The following BRWD3 variants were observed in gnomAD, a reference collection of about 807,000 sequenced individuals.
BRWD3 encodes the protein bromodomain and WD repeat domain containing 3.
BRWD3 carries 10 observed loss-of-function variants against 149.7 expected under a neutral mutation model. The ratio of observed to expected loss-of-function variants is 0.07; its 90% CI spans 0.04 to 0.11. The LOEUF is 0.11. Ranked by LOEUF, BRWD3 falls within the 10% of genes least tolerant of loss-of-function variation. The pLI, the probability that BRWD3 is intolerant of heterozygous loss-of-function variation, is 1.00. For synonymous variants in BRWD3, 504 were observed against 456.7 expected (o/e 1.10, Z -1.32); for missense variants, 940 against 1,373.2 (o/e 0.68, Z 4.99).
chrX:80,730,616 G>T (rs1311339141), intron 12 of BRWD3, among the ~76,000 whole-genome samples: 1 of 110,990 alleles, frequency 9.0e-6, no homozygotes. Context: ...ATTGACTGTG[G>T]TGATGGTTGC....
intron 26 of BRWD3, 103 bp downstream of exon 26, chrX:80,696,636 G>T (rs2072703007): frequency 1.1e-6 from 1 of 928,190 alleles, no homozygotes; most frequent in Middle Eastern, 2.7e-4. Flanking sequence ...CTGTAGTAAA[G>T]AATGCTATAG....
Position 80,719,050 on chromosome X carries a change from T to TCTTC in BRWD3, c.2044+435_2044+438dup, listed in dbSNP as rs1178170466. Among the ~76,000 whole-genome samples, 12 of 69,886 alleles carry TCTTC rather than the reference T, an allele frequency of 1.7e-4. No homozygotes were observed. In the East Asian group the frequency reaches 4.3e-3, roughly 25 times the overall value. 60.7% of individuals were successfully genotyped at this position (69,886 alleles called of 115,157 possible). A position where few individuals can be genotyped will look rare whatever the true frequency, so the allele number is the denominator to read the frequency against. On this transcript the variant is annotated intron_variant, in intron 18 of 40. Coordinates refer to ENST00000373275, the MANE Select transcript of BRWD3 (RefSeq NM_153252.5). Reference sequence around the variant, plus strand: ...CTGTATTCCCTAAGAGTGCTTCTTGTCTTCAGTGTATTTTTTTTTTTTATT... The same window carrying TCTTC: ...CTGTATTCCCTAAGAGTGCTTCTTGTCTTCCTTCAGTGTATTTTTTTTTTTTATT...
chrX:80,747,940 TTC>T (rs2073615761), intron 6 of BRWD3, among the ~76,000 whole-genome samples: 1 of 111,868 alleles, frequency 8.9e-6, no homozygotes, highest in Non-Finnish European at 1.9e-5. Context: ...TTTCATTTGT[TTC>T]TTTCATTTTC....
intron 6 of BRWD3, among the ~76,000 whole-genome samples, chrX:80,756,502 CAAAAAAAAA>C (rs974549325): frequency 2.4e-4 from 10 of 41,323 alleles, no homozygotes; most frequent in African/African-American, 2.9e-4. Context: ...AACTCTGTCT[CAAAAAAAAA>C]AAAAAAAAAA....
At chrX:80,706,045 TTTTTAA>T (rs2072858905) in intron 22 of BRWD3, among the ~76,000 whole-genome samples, 1 of 112,531 alleles carries the variant, frequency 8.9e-6, no homozygotes, top group Admixed American at 9.4e-5. Context: ...TTTTTAGTGT[TTTTTAA>T]CTTTTTGACT....
At chrX:80,774,373 A>G (rs1210098977) in intron 6 of BRWD3, among the ~76,000 whole-genome samples, 4 of 109,643 alleles carry the variant, frequency 3.6e-5, no homozygotes, top group African/African-American at 1.3e-4. Context: ...CAGAGATCTT[A>G]CCTCAGCTTC....
At chrX:80,795,470 T>A (rs927756613) in intron 4 of BRWD3, among the ~76,000 whole-genome samples, 2 of 109,925 alleles carry the variant, frequency 1.8e-5, no homozygotes, top group Non-Finnish European at 3.8e-5. Flanking sequence ...TATAGATACC[T>A]ATGTATATCT....
At chrX:80,684,786 T>C (rs991816456) in intron 36 of BRWD3, among the ~76,000 whole-genome samples, 8 of 111,221 alleles carry the variant, frequency 7.2e-5, no homozygotes, top group Admixed American at 4.8e-4. Context: ...CCTAGGGTTA[T>C]CAGATGGAGT....
At chrX:80,689,682 T>C in intron 33 of BRWD3, 86 bp downstream of exon 33, 1 of 858,751 alleles carries the variant, frequency 1.2e-6, no homozygotes, top group South Asian at 2.2e-5. Flanking sequence ...TTGCTGTTCA[T>C]GGCCAATTAC....
chrX:80,729,175 T>C (rs1310299130), intron 13 of BRWD3, among the ~76,000 whole-genome samples: 1 of 111,728 alleles, frequency 9.0e-6, no homozygotes, highest in Non-Finnish European at 1.9e-5. Flanking sequence ...CTAAGAAATC[T>C]ATAAATACCT....
At chrX:80,783,241 G>A (rs910511601) in intron 6 of BRWD3, among the ~76,000 whole-genome samples, 1 of 110,001 alleles carries the variant, frequency 9.1e-6, no homozygotes, top group Non-Finnish European at 1.9e-5. Flanking sequence ...ACAAAAATTA[G>A]CCAGGCATAG....
Position 80,676,888 on chromosome X carries a change from C to A in BRWD3, c.5130G>T (p.Gly1710=), listed in dbSNP as rs146425236. 6.5e-4 allele frequency: 783 copies of A among 1,205,541 alleles called. No individual in the cohort carries two copies. Among genetic ancestry groups the A allele is most frequent in the Middle Eastern group, 3.5e-3 (15 of 4,335 alleles). ...CTCTAGAAGCACCTCTTCCTCCTCT[C>A]CCTCTTCCCCTCCCCCTAGTGCCAC... ...GGGGTRGRGR[G]RGGRGASRGA... The change falls in exon 41 of 41, where the codon GGG becomes GGT. Residue 1710 remains glycine (G), a synonymous_variant. Coordinates refer to ENST00000373275, the MANE Select transcript of BRWD3 (RefSeq NM_153252.5).
rs761590563 is a variant in BRWD3 at position 80,735,501 on chromosome X, A to G, written c.915-304T>C. 5.4e-5 allele frequency among the ~76,000 whole-genome samples: 6 copies of G among 111,954 alleles called. No individual in the cohort carries two copies. In the East Asian group the frequency reaches 1.7e-3, roughly 32 times the overall value. The stretch of plus-strand genomic sequence containing the variant: ...ATAAAATCCTACCAAGATTTTCTAT[A>G]TAAATTGTCTCTTCAACATTAATAT... On this transcript the variant is annotated intron_variant, in intron 9 of 40. Transcript: ENST00000373275.
At chrX:80,735,907 T>G (rs777683150) in intron 9 of BRWD3, 81 bp downstream of exon 9, 1 of 601,300 alleles carries the variant, frequency 1.7e-6, no homozygotes, top group Non-Finnish European at 2.7e-6. Context: ...ATATATATAT[T>G]TAAATACATG....
intron 24 of BRWD3, among the ~76,000 whole-genome samples, chrX:80,701,765 C>T (rs970228934): frequency 4.6e-5 from 5 of 108,420 alleles, no homozygotes; most frequent in African/African-American, 1.0e-4. Context: ...CAATAATACA[C>T]GTCATTAAGA....
chrX:80,783,150 C>T (rs971815751), intron 6 of BRWD3, among the ~76,000 whole-genome samples: 2 of 110,623 alleles, frequency 1.8e-5, no homozygotes, highest in Non-Finnish European at 3.8e-5. Flanking sequence ...CTTTGGGAGG[C>T]AGAGGCAGGC....
chrX:80,777,075 A>C (rs894937282), intron 6 of BRWD3, among the ~76,000 whole-genome samples: 5 of 110,116 alleles, frequency 4.5e-5, no homozygotes, highest in Non-Finnish European at 7.6e-5. Context: ...GCTTAAACAA[A>C]AAAAAAAAAT....
intron 33 of BRWD3, among the ~76,000 whole-genome samples, chrX:80,688,941 A>G (rs1418162763): frequency 9.0e-6 from 1 of 110,975 alleles, no homozygotes; most frequent in Non-Finnish European, 1.9e-5. Flanking sequence ...TATGTAAGTA[A>G]CATTTAACTG....
intron 27 of BRWD3, among the ~76,000 whole-genome samples, chrX:80,693,485 G>C (rs1052352360): frequency 8.9e-6 from 1 of 111,932 alleles, no homozygotes; most frequent in South Asian, 3.7e-4. Context: ...GGAAAGTCTG[G>C]AACTTCCTAG....
Sources: allele counts gnomAD v4.1 joint callset (sites outside exome capture counted in the v4.1 genomes callset), GRCh38; gene constraint gnomAD v4.1.1; transcripts MANE v1.5; gene names NCBI Gene and HGNC (gene_info 2026-07-23, HGNC 2026-07-21).